The following TBC1D17 variants were observed in gnomAD, a reference collection of about 807,000 sequenced individuals.
TBC1D17 encodes the protein TBC1 domain family member 17, also known as TBC1 domain family, member 17.
In TBC1D17, 69 loss-of-function variants were observed where a neutral mutation model predicts 78.8. That is an observed-to-expected ratio of 0.88 (90% CI 0.72 to 1.07). The LOEUF is 1.07. Among genes scored for constraint, TBC1D17 ranks in the 50% least tolerant of loss-of-function variants. TBC1D17 has a pLI of 0.00. For missense variants in TBC1D17, 957 were observed against 861.0 expected (o/e 1.11, Z -1.39); for synonymous variants, 456 against 358.3 (o/e 1.27, Z -3.08).
At chr19:49,887,638 G>T (rs1014765231) in intron 14 of TBC1D17, 65 bp downstream of exon 14, 6 of 1,609,074 alleles carry the variant, frequency 3.7e-6, no homozygotes, top group Non-Finnish European at 5.1e-6. Flanking sequence ...GAGGTTGGGC[G>T]GAGAGGGACA....
Position 49,880,301 on chromosome 19 carries a change from G to A in TBC1D17, c.218G>A (p.Cys73Tyr), listed in dbSNP as rs1441227848. The A allele has an allele frequency of 1.2e-6, 2 of 1,613,968 alleles. No homozygotes were observed. Among genetic ancestry groups the A allele is most frequent in the Non-Finnish European group, 1.7e-6 (2 of 1,180,012 alleles). Residue 73 changes from cysteine to tyrosine, a missense_variant, in exon 4 of 17, where the codon TGT becomes TAT. By Grantham distance (194) the Cys-to-Tyr change is radical (BLOSUM62 -2). Coordinates refer to ENST00000221543, the MANE Select transcript of TBC1D17 (RefSeq NM_024682.3). ...AAGGACTCCAGTGGGGGTGACTCAT[G>A]TGCTTCTGAGGAGGAACCAACCTTT... ...SKKDSSGGDS[C>Y]ASEEEPTFDP...
intron 13 of TBC1D17, among the ~76,000 whole-genome samples, chr19:49,886,254 CAAA>C (rs111725968): frequency 6.7e-6 from 1 of 149,548 alleles, no homozygotes; most frequent in Non-Finnish European, 1.5e-5. Context: ...GACTTTGTCT[CAAA>C]AAAAAAGAAA....
In TBC1D17 at chr19:49,888,594, C is replaced by T; in HGVS notation, c.1917C>T (p.Pro639=). The T allele has an allele frequency of 2.0e-6, 3 of 1,536,708 alleles. No individual in the cohort carries two copies. The highest frequency in any genetic ancestry group is 2.6e-6 in the Non-Finnish European group (3 of 1,146,104). Residue 639 remains proline, a synonymous_variant, in exon 17 of 17, where the codon CCC becomes CCT. Transcript: ENST00000221543. ...CCGACAGCAGCCTGGAGATCCTGCC[C>T]GAGGAGGAGGACGAGGGCGCCGACT... ...PQPDSSLEIL[P]EEEDEGADS
chr19:49,886,062 C>G (rs1286056194), intron 13 of TBC1D17, among the ~76,000 whole-genome samples: 2 of 151,034 alleles, frequency 1.3e-5, no homozygotes, highest in Non-Finnish European at 2.9e-5. Flanking sequence ...GGCAGATCAC[C>G]TGAGGTCAGG....
At chr19:49,883,982 A>G (rs2075037638) in intron 10 of TBC1D17, among the ~76,000 whole-genome samples, 1 of 152,184 alleles carries the variant, frequency 6.6e-6, no homozygotes, top group Non-Finnish European at 1.5e-5. Flanking sequence ...AGTTCTGTCA[A>G]TGCCTGGTGA....
intron 2 of TBC1D17, 65 bp downstream of exon 2, chr19:49,878,306 G>T: frequency 6.8e-7 from 1 of 1,470,370 alleles, no homozygotes; most frequent in Non-Finnish European, 9.3e-7. Flanking sequence ...TGGGATGCAG[G>T]CGGCAGCTGT....
intron 13 of TBC1D17, among the ~76,000 whole-genome samples, chr19:49,886,272 A>C (rs1230439784): frequency 6.6e-6 from 1 of 152,178 alleles, no homozygotes; most frequent in East Asian, 1.9e-4. Flanking sequence ...AAGAAAAAAG[A>C]AAGTTAAAGT....
chr19:49,882,329 G>A lies in TBC1D17; in HGVS notation c.727G>A (p.Glu243Lys). Residue 243 changes from glutamate (E) to lysine (K), a missense_variant, in exon 7 of 17, where the codon GAG becomes AAG. Physicochemically the swap from Glu to Lys is moderately conservative, Grantham distance 56. Transcript: ENST00000221543. ...CCGGGGTGCCCTGCAGCCACAGCCT[G>A]AGGGAGCCGCCTCCGACCTTCCCCC... is the stretch of plus-strand genomic sequence containing the variant. The part of the protein sequence containing the change: ...FFRGALQPQP[E>K]GAASDLPPPP... 1 of 1,611,332 alleles carries A rather than the reference G, an allele frequency of 6.2e-7. No individual in the cohort carries two copies. The highest frequency in any genetic ancestry group is 8.5e-7 in the Non-Finnish European group (1 of 1,179,996).
In TBC1D17 at chr19:49,884,318, G is replaced by A. The variant is rs759348105; in HGVS notation, c.1192G>A (p.Gly398Ser). Residue 398 changes from glycine to serine, a missense_variant, in exon 11 of 17, where the codon GGC (glycine) becomes AGC (serine). Gly to Ser is a moderately conservative substitution (Grantham distance 56). Coordinates refer to ENST00000221543, the MANE Select transcript of TBC1D17 (RefSeq NM_024682.3). ...FYEGPENPGL[G>S]LLNDILLTYC... The stretch of plus-strand genomic sequence containing the variant: ...CGAGGGTCCCGAGAACCCGGGGCTG[G>A]GCCTGCTGAACGATATCCTCCTCAC... 6.2e-6 allele frequency: 10 copies of A among 1,613,910 alleles called. No individual in the cohort carries two copies. The East Asian group carries it at 2.2e-4, about 36-fold the overall frequency.
chr19:49,888,097 C>A, intron 15 of TBC1D17, 134 bp from the exon 16 acceptor site: 1 of 1,398,136 alleles, frequency 7.2e-7, no homozygotes, highest in Non-Finnish European at 9.8e-7. Flanking sequence ...AAGCATGTCT[C>A]GCCCAGCGCA....
At position 49,882,084 on chromosome 19, in the gene TBC1D17, T is replaced by G. The variant is rs1188179146; in HGVS notation, c.571T>G (p.Ser191Ala). The G allele has an allele frequency of 5.6e-6, 9 of 1,614,110 alleles. No homozygotes were observed. Among genetic ancestry groups the G allele is most frequent in the Admixed American group, 1.7e-5 (1 of 60,026 alleles). Residue 191 changes from serine to alanine, a missense_variant, in exon 6 of 17, where the codon TCC (serine) becomes GCC (alanine). By Grantham distance (99) the Ser-to-Ala change is moderately conservative. Coordinates refer to ENST00000221543, the MANE Select transcript of TBC1D17 (RefSeq NM_024682.3). ...CCTCTACCTTGTCTTCCCCCACGACTCCTCTGCTCTCTCCAACTCCTTCCA... is the reference window on the plus strand; with the variant it reads ...CCTCTACCTTGTCTTCCCCCACGACGCCTCTGCTCTCTCCAACTCCTTCCA... Reference protein sequence around the residue: ...SRLYLVFPHDSSALSNSFHHL... With the variant: ...SRLYLVFPHDASALSNSFHHL...
intron 7 of TBC1D17, 137 bp downstream of exon 7, chr19:49,882,537 A>G: frequency 7.2e-7 from 1 of 1,386,794 alleles, no homozygotes; most frequent in Non-Finnish European, 9.6e-7. Flanking sequence ...GCATGAGGAA[A>G]GCGCTCATGG....
intron 13 of TBC1D17, 25 bp downstream of exon 13, chr19:49,884,783 G>A: frequency 1.2e-6 from 2 of 1,600,948 alleles, no homozygotes; most frequent in Non-Finnish European, 8.6e-7. Context: ...AGGGTGGGCA[G>A]GAGACAATGG....
At chr19:49,883,857 T>A in intron 10 of TBC1D17, 112 bp downstream of exon 10, 1 of 890,462 alleles carries the variant, frequency 1.1e-6, no homozygotes, top group Non-Finnish European at 1.8e-6. Flanking sequence ...CCAAGACCAG[T>A]GAGAGGGCAT....
chr19:49,884,787 A>C (rs978705930), intron 13 of TBC1D17, 29 bp downstream of exon 13: 1 of 1,598,346 alleles, frequency 6.3e-7, no homozygotes, highest in African/African-American at 1.3e-5. Context: ...TGGGCAGGAG[A>C]CAATGGGGCC....
At position 49,888,563 on chromosome 19, in the gene TBC1D17, C is replaced by CGCA; in HGVS notation, c.1889_1891dup (p.Gln630dup). 6.5e-7 allele frequency: 1 copy of CGCA among 1,536,862 alleles called. No homozygotes were observed. The highest frequency in any genetic ancestry group is 1.2e-5 in the South Asian group (1 of 83,998). On this transcript the variant is annotated inframe_insertion, in exon 17 of 17. Transcript: ENST00000221543. ...CCGCCGCCCTCCACGGACACAGCCC[C>CGCA]GCAGCCCGACAGCAGCCTGGAGATC...
intron 13 of TBC1D17, 78 bp from the exon 14 acceptor site, chr19:49,887,398 T>A (rs2075067224): frequency 3.5e-6 from 5 of 1,440,258 alleles, no homozygotes; most frequent in South Asian, 1.2e-5. Context: ...TTGGGGAAGG[T>A]CTTCCAGTCA....
At chr19:49,877,821 C>T (rs1307747058) in intron 1 of TBC1D17, 77 bp downstream of exon 1, 1 of 1,502,576 alleles carries the variant, frequency 6.7e-7, no homozygotes, top group Non-Finnish European at 9.0e-7. Flanking sequence ...TCTCTCAGGC[C>T]TTGGCTCTCG....
At chr19:49,883,881 T>C (rs2075037052) in intron 10 of TBC1D17, 136 bp downstream of exon 10, 2 of 748,830 alleles carry the variant, frequency 2.7e-6, no homozygotes, top group Admixed American at 4.6e-5. Context: ...GGGGGAAAGC[T>C]GCATGGGCTG....
Sources: allele counts gnomAD v4.1 joint callset (sites outside exome capture counted in the v4.1 genomes callset), GRCh38; gene constraint gnomAD v4.1.1; transcripts MANE v1.5; gene names NCBI Gene and HGNC (gene_info 2026-07-23, HGNC 2026-07-21).